The following UBE2D2 variants were observed in gnomAD, a reference collection of about 807,000 sequenced individuals.
The protein encoded by UBE2D2 is ubiquitin conjugating enzyme E2 D2.
In UBE2D2, 2 loss-of-function variants were observed where a neutral mutation model predicts 24.2. That is an observed-to-expected ratio of 0.08 (90% confidence interval 0.03 to 0.26). The LOEUF is 0.26. Ranked by LOEUF, UBE2D2 falls within the 10% of genes least tolerant of loss-of-function variation. The pLI is 1.00. For synonymous variants in UBE2D2, 58 were observed against 56.5 expected, an observed-to-expected ratio of 1.03 and a Z score of -0.12; for missense variants, 44 against 177.6, an observed-to-expected ratio of 0.25 and a Z score of 4.28.
intron 5 of UBE2D2, among the ~76,000 whole-genome samples, chr5:139,620,708 C>G (rs2126707433): frequency 6.6e-6 from 1 of 152,284 alleles, no homozygotes; most frequent in South Asian, 2.1e-4. Context: ...CCCTTGATCT[C>G]TATAGGATAG....
At chr5:139,537,633 C>T (rs1752702509) in intron 1 of UBE2D2, among the ~76,000 whole-genome samples, 2 of 151,662 alleles carry the variant, frequency 1.3e-5, no homozygotes, top group African/African-American at 4.8e-5. Context: ...GGATTATAGG[C>T]ATGAGCCACC....
intron 2 of UBE2D2, among the ~76,000 whole-genome samples, chr5:139,605,071 TC>T (rs532073548): frequency 1.1e-4 from 17 of 152,178 alleles, no homozygotes; most frequent in Non-Finnish European, 2.5e-4. Flanking sequence ...CTTTTGACTA[TC>T]CTGGTACCCA....
At chr5:139,590,678 A>G (rs1157855722) in intron 1 of UBE2D2, among the ~76,000 whole-genome samples, 1 of 151,260 alleles carries the variant, frequency 6.6e-6, no homozygotes, top group African/African-American at 2.4e-5. Flanking sequence ...GGTATTAATC[A>G]GTTCTGGGAG....
intron 1 of UBE2D2, among the ~76,000 whole-genome samples, chr5:139,529,039 T>G (rs1286562882): frequency 6.6e-6 from 1 of 152,196 alleles, no homozygotes; most frequent in Non-Finnish European, 1.5e-5. Flanking sequence ...CAATAAGGAC[T>G]TCAACTGACC....
At chr5:139,552,199 G>A (rs1581486658) in intron 1 of UBE2D2, among the ~76,000 whole-genome samples, 1 of 139,486 alleles carries the variant, frequency 7.2e-6, no homozygotes, top group Non-Finnish European at 1.5e-5. Context: ...GTCTCACTCT[G>A]TTGCCCAGAC....
chr5:139,574,797 A>G (rs766930716), intron 1 of UBE2D2, among the ~76,000 whole-genome samples: 103 of 152,112 alleles, frequency 6.8e-4, no homozygotes, highest in Non-Finnish European at 1.1e-3. Context: ...GCCTTAGGCA[A>G]GTCACTTTGC....
At position 139,626,667 on chromosome 5, in the gene UBE2D2, C is replaced by CT. The variant is rs142701038; in HGVS notation, c.399-87dup. On this transcript the variant is annotated intron_variant, in intron 6 of 6. Coordinates refer to ENST00000398733, the MANE Select transcript of UBE2D2 (RefSeq NM_003339.3). ...CCTTGAATGTCCTATAAGCTACTCT[C>CT]TTCAAGTTACTTGATGGGATAATGA... is the stretch of plus-strand genomic sequence containing the variant. The CT allele has an allele frequency of 1.7e-3, 1,891 of 1,110,770 alleles. 25 individuals are homozygous for CT. In the African/African-American group the frequency reaches 0.019, roughly 11 times the overall value. 68.8% of individuals were successfully genotyped at this position (1,110,770 alleles called of 1,614,324 possible).
At chr5:139,538,868 T>TA (rs113802921) in intron 1 of UBE2D2, among the ~76,000 whole-genome samples, 103 of 122,068 alleles carry the variant, frequency 8.4e-4, no homozygotes, top group Middle Eastern at 4.3e-3. Flanking sequence ...AAAATCCATC[T>TA]AAAAAAAAAA....
intron 1 of UBE2D2, among the ~76,000 whole-genome samples, chr5:139,549,123 A>G (rs1293617366): frequency 6.6e-6 from 1 of 152,140 alleles, no homozygotes; most frequent in East Asian, 1.9e-4. Flanking sequence ...GCTAGGTTAC[A>G]GGTGTGAGCC....
chr5:139,539,034 T>C (rs1017117272), intron 1 of UBE2D2, among the ~76,000 whole-genome samples: 1 of 151,508 alleles, frequency 6.6e-6, no homozygotes, highest in African/African-American at 2.4e-5. Flanking sequence ...AGTCAATCTC[T>C]TTTTTTTTGA....
chr5:139,566,642 T>C (rs1441990764), intron 1 of UBE2D2, among the ~76,000 whole-genome samples: 1 of 152,018 alleles, frequency 6.6e-6, no homozygotes. Flanking sequence ...GCCGCTACAC[T>C]CCAGCCTATG....
At chr5:139,574,323 G>A (rs1242593508) in intron 1 of UBE2D2, among the ~76,000 whole-genome samples, 1 of 151,118 alleles carries the variant, frequency 6.6e-6, no homozygotes, top group Non-Finnish European at 1.5e-5. Flanking sequence ...AAATATTACT[G>A]TCTTTATTAC....
chr5:139,554,031 C>T (rs1752951453), intron 1 of UBE2D2, among the ~76,000 whole-genome samples: 1 of 152,194 alleles, frequency 6.6e-6, no homozygotes, highest in Non-Finnish European at 1.5e-5. Flanking sequence ...CTGCCTGCCT[C>T]AGCCTCCCAG....
chr5:139,625,081 A>G (rs1180069256), intron 6 of UBE2D2, among the ~76,000 whole-genome samples: 1 of 143,132 alleles, frequency 7.0e-6, no homozygotes, highest in African/African-American at 2.6e-5. Context: ...TTGCAGAGAC[A>G]GGGTCTTGTT....
At chr5:139,617,903 A>G (rs1754448275) in intron 5 of UBE2D2, among the ~76,000 whole-genome samples, 1 of 152,326 alleles carries the variant, frequency 6.6e-6, no homozygotes, top group African/African-American at 2.4e-5. Context: ...ACAGTTGTCA[A>G]AAGTGTTGGG....
intron 1 of UBE2D2, among the ~76,000 whole-genome samples, chr5:139,594,116 A>T (rs894603934): frequency 1.3e-5 from 2 of 152,340 alleles, no homozygotes; most frequent in Admixed American, 1.3e-4. Flanking sequence ...GGTGAGGACC[A>T]ACAGGGTAAA....
intron 1 of UBE2D2, among the ~76,000 whole-genome samples, chr5:139,592,006 G>A (rs961271808): frequency 1.3e-4 from 20 of 152,034 alleles, no homozygotes; most frequent in South Asian, 2.1e-4. Flanking sequence ...TCTCAAGACC[G>A]GCCTGGACAA....
intron 1 of UBE2D2, among the ~76,000 whole-genome samples, chr5:139,581,569 T>G (rs931784731): frequency 6.6e-6 from 1 of 151,760 alleles, no homozygotes; most frequent in Non-Finnish European, 1.5e-5. Context: ...ATGAGATATC[T>G]TGGGGATGGG....
chr5:139,561,211 G>GCGTAGCTTACTCACAGGGGCGGCC (rs1335277142), upstream of UBE2D2: 2 of 152,610 alleles, frequency 1.3e-5, no homozygotes, highest in Non-Finnish European at 2.9e-5. Flanking sequence ...CGACGGCGGT[G>GCGTAGCTTACTCACAGGGGCGGCC]CGTAGCTTAC....
Sources: allele counts gnomAD v4.1 joint callset (sites outside exome capture counted in the v4.1 genomes callset), GRCh38; gene constraint gnomAD v4.1.1; transcripts MANE v1.5; gene names NCBI Gene and HGNC (gene_info 2026-07-23, HGNC 2026-07-21).